Variants in RABGEF1 observed in about 807,000 individuals in gnomAD.
The protein encoded by RABGEF1 is rab5 GDP/GTP exchange factor.
In RABGEF1, 26 loss-of-function variants were observed where a neutral mutation model predicts 57.3. The ratio of observed to expected loss-of-function variants is 0.45; its 90% CI spans 0.33 to 0.63. The LOEUF (loss-of-function observed/expected upper bound fraction) is 0.63, where lower values mean the gene tolerates loss of function less well. Among genes scored for constraint, RABGEF1 ranks in the 20% least tolerant of loss-of-function variants. RABGEF1 has a pLI of 0.02. For synonymous variants in RABGEF1, 185 were observed against 210.7 expected, an observed-to-expected ratio of 0.88 and a Z score of 1.06; for missense variants, 464 against 607.6, an observed-to-expected ratio of 0.76 and a Z score of 2.48.
chr7:66,668,912 A>G, the RABGEF1 span: 1 of 152,380 alleles, frequency 6.6e-6, no homozygotes, highest in South Asian at 2.1e-4. Context: ...GGCGCAGAGT[A>G]GGTGAGTAAT....
chr7:66,692,970 C>T (rs1333106420), intron 1 of RABGEF1, among the ~76,000 whole-genome samples: 19 of 152,104 alleles, frequency 1.2e-4, no homozygotes, highest in Admixed American at 9.8e-4. Flanking sequence ...CCCCCCATGC[C>T]GGAAGGGGCT....
At chr7:66,739,371 C>T (rs1352689815), upstream of RABGEF1, among the ~76,000 whole-genome samples, 1 of 151,304 alleles carries the variant, frequency 6.6e-6, no homozygotes, top group Non-Finnish European at 1.5e-5. Context: ...CTGAGAAACT[C>T]GGGCCGGGCG....
chr7:66,674,673 T>C, the RABGEF1 span, among the ~76,000 whole-genome samples: 2 of 151,954 alleles, frequency 1.3e-5, no homozygotes, highest in Non-Finnish European at 2.9e-5. Flanking sequence ...TTCAAAAACA[T>C]GTTGAAGGAA....
At chr7:66,762,742 A>C (rs572723121) in intron 1 of RABGEF1, among the ~76,000 whole-genome samples, 41 of 152,180 alleles carry the variant, frequency 2.7e-4, no homozygotes, top group Non-Finnish European at 3.4e-4. Context: ...AAAGAATAAT[A>C]ATAAATAGGA....
chr7:66,678,564 C>CA (rs58309880), upstream of RABGEF1, among the ~76,000 whole-genome samples: 41,418 of 85,812 alleles, frequency 0.48, 9,810 homozygotes, highest in African/African-American at 0.51. Context: ...GAGTCCGTCT[C>CA]AAAAAAAAAA....
intron 2 of RABGEF1, among the ~76,000 whole-genome samples, chr7:66,728,640 C>T (rs1185340271): frequency 2.6e-3 from 3 of 1,162 alleles, no homozygotes; most frequent in East Asian, 0.016. Flanking sequence ...TCATCATCCT[C>T]GCCTCGACTT....
intron 1 of RABGEF1, among the ~76,000 whole-genome samples, chr7:66,744,283 C>T (rs137881522): frequency 9.0e-4 from 135 of 150,674 alleles, no homozygotes; most frequent in East Asian, 6.5e-3. Context: ...CTGTAATCCT[C>T]GCACTTTGGG....
intron 1 of RABGEF1, chr7:66,755,734 GTTACAATTTTGC>G (rs1468325736): frequency 4.6e-6 from 1 of 218,840 alleles, no homozygotes; most frequent in African/African-American, 2.3e-5. Context: ...TCAGATTAGA[GTTACAATTTTGC>G]TTAACCAAGG....
chr7:66,685,153 CT>C (rs545055892), intron 1 of RABGEF1, among the ~76,000 whole-genome samples: 8,025 of 100,788 alleles, frequency 0.08, 111 homozygotes, highest in Non-Finnish European at 0.099. Context: ...GGATTATTTG[CT>C]TTTTTTTTTT....
At chr7:66,757,298 G>A (rs1802979354) in intron 1 of RABGEF1, among the ~76,000 whole-genome samples, 1 of 152,086 alleles carries the variant, frequency 6.6e-6, no homozygotes, top group African/African-American at 2.4e-5. Flanking sequence ...TCTGTTACAA[G>A]AGTTCCACAG....
chr7:66,661,685 C>G, the RABGEF1 span, among the ~76,000 whole-genome samples: 1 of 152,194 alleles, frequency 6.6e-6, no homozygotes. Context: ...TCAATTCTAC[C>G]AGACATTTAA....
chr7:66,682,087 T>A (rs1030665639), upstream of RABGEF1: 3 of 167,954 alleles, frequency 1.8e-5, no homozygotes, highest in Admixed American at 1.3e-4. Context: ...GCGCCGTGCG[T>A]TACGGGCGTG....
chr7:66,659,088 G>A, the RABGEF1 span, among the ~76,000 whole-genome samples: 1 of 152,194 alleles, frequency 6.6e-6, no homozygotes, highest in East Asian at 1.9e-4. Flanking sequence ...TTGTTACTAG[G>A]GCCAGACAAA....
In RABGEF1 at chr7:66,808,959, A is replaced by C; in HGVS notation, c.1151A>C (p.Tyr384Ser). Reference protein sequence around the residue: ...LNLSQEDFDRYMSGQTSPRKQ... With the variant: ...LNLSQEDFDRSMSGQTSPRKQ... ...CTAAGTCAGGAGGATTTTGATCGCT[A>C]CATGTCTGGCCAGACCTCTCCCAGG... Residue 384 changes from tyrosine (Y) to serine (S), a missense_variant, in exon 9 of 9, where the codon TAC becomes TCC. Around this residue, in one of 4 missense-constraint regions of RABGEF1, gnomAD observed 151 missense variants for 152.2 expected, o/e 0.99. Transcript: ENST00000284957. The C allele has an allele frequency of 6.2e-7, 1 of 1,614,006 alleles. No individual in the cohort carries two copies. The highest frequency in any genetic ancestry group is 2.2e-5 in the East Asian group (1 of 44,876).
At chr7:66,742,169 C>T (rs936645233) in intron 1 of RABGEF1, among the ~76,000 whole-genome samples, 4 of 150,870 alleles carry the variant, frequency 2.7e-5, no homozygotes, top group African/African-American at 9.7e-5. Context: ...AACTAAGAGT[C>T]TGTTCCTTAA....
intron 8 of RABGEF1, among the ~76,000 whole-genome samples, chr7:66,806,715 C>T (rs368507245): frequency 2.7e-5 from 4 of 146,332 alleles, no homozygotes; most frequent in African/African-American, 7.7e-5. Flanking sequence ...GTGATCTCAG[C>T]TCACTGCAAC....
chr7:66,770,881 G>A (rs1251573350), intron 1 of RABGEF1, among the ~76,000 whole-genome samples: 1 of 152,112 alleles, frequency 6.6e-6, no homozygotes, highest in African/African-American at 2.4e-5. Flanking sequence ...GTGATGTTGA[G>A]CATTTTTCAC....
rs151089666 is a variant in RABGEF1, at chr7:66,720,539, A to G, written c.-815+8315A>G. 1.0e-2 allele frequency among the ~76,000 whole-genome samples: 1,518 copies of G among 152,094 alleles called. 13 individuals carry two copies. Among genetic ancestry groups the G allele is most frequent in the Middle Eastern group, 0.034 (10 of 292 alleles). ...AAAAAAAAATCAGCAAACTAAATAT[A>G]AAAGGGAACTATCTCAACCAGAAAA... On this transcript the variant is annotated intron_variant and NMD_transcript_variant, in intron 2 of 9. Transcript: ENST00000607882.
At chr7:66,750,421 T>C (rs1297558041) in intron 1 of RABGEF1, among the ~76,000 whole-genome samples, 1 of 152,222 alleles carries the variant, frequency 6.6e-6, no homozygotes, top group Non-Finnish European at 1.5e-5. Flanking sequence ...GTTGAGTAGA[T>C]ATTACTTTCT....
Sources: gnomAD v4.1 joint callset for allele counts (sites outside exome capture counted in the v4.1 genomes callset) on GRCh38, gnomAD v4.1.1 for gene constraint, gnomAD v4.1.1 regional missense constraint, MANE v1.5 for transcripts, NCBI Gene and HGNC (gene_info 2026-07-23, HGNC 2026-07-21) for gene names.